POU6F2: variants seen among roughly 807,000 people sequenced by gnomAD.
The protein encoded by POU6F2 is POU domain, class 6, transcription factor 2.
A neutral mutation model predicts 71.3 loss-of-function variants in POU6F2; 31 were observed. The observed-to-expected ratio is 0.43, with a 90% CI of 0.33 to 0.59. The LOEUF (loss-of-function observed/expected upper bound fraction) is 0.59, where lower values mean the gene tolerates loss of function less well. Among genes scored for constraint, POU6F2 ranks in the 20% least tolerant of loss-of-function variants. POU6F2 has a pLI of 0.04. For missense variants in POU6F2, 783 were observed against 856.8 expected, an observed-to-expected ratio of 0.91 and a Z score of 1.07; for synonymous variants, 347 against 355.7, an observed-to-expected ratio of 0.98 and a Z score of 0.27.
intron 2 of POU6F2, among the ~76,000 whole-genome samples, chr7:39,102,795 G>C (rs1791603574): frequency 6.6e-6 from 1 of 152,158 alleles, no homozygotes; most frequent in Admixed American, 6.5e-5. Flanking sequence ...AGATGGTGGA[G>C]CCTACTACAC....
intron 4 of POU6F2, among the ~76,000 whole-genome samples, chr7:39,269,684 C>T (rs1355405774): frequency 2.6e-5 from 4 of 152,190 alleles, no homozygotes; most frequent in South Asian, 4.1e-4. Context: ...AGGTCCTCTG[C>T]AAGCACCCCC....
intron 2 of POU6F2, among the ~76,000 whole-genome samples, chr7:39,103,703 T>G (rs574385428): frequency 9.9e-4 from 151 of 152,324 alleles, no homozygotes; most frequent in African/African-American, 3.0e-3. Context: ...AGTTTTTGCT[T>G]TAGTAAGCCA....
chr7:39,246,814 A>G lies in POU6F2; in HGVS notation c.598+39194A>G, dbSNP rs1783828842. Among the ~76,000 whole-genome samples the G allele has an allele frequency of 3.3e-5, 5 of 149,930 alleles. No individual in the cohort carries two copies. The South Asian group carries it at 8.6e-4, about 26-fold the overall frequency. ...CAGTGTTTACTTAGCCAATTAGTCTATGAATATTTCTAGCCAAAGAGAGAG... is the reference window on the plus strand; with the variant it reads ...CAGTGTTTACTTAGCCAATTAGTCTGTGAATATTTCTAGCCAAAGAGAGAG... On this transcript the variant is annotated intron_variant, in intron 4 of 9. Coordinates refer to ENST00000518318, the MANE Select transcript of POU6F2 (RefSeq NM_001370959.1).
At chr7:39,108,283 T>G (rs1262389846) in intron 2 of POU6F2, among the ~76,000 whole-genome samples, 1 of 151,774 alleles carries the variant, frequency 6.6e-6, no homozygotes, top group Admixed American at 6.6e-5. Flanking sequence ...CAATTATTTT[T>G]TTTTTTGCTC....
In POU6F2 at chr7:39,263,512, G is replaced by A. The variant is rs1294255741; in HGVS notation, c.598+55892G>A. Among the ~76,000 whole-genome samples, 4 of 152,146 alleles carry A rather than the reference G, an allele frequency of 2.6e-5. No individual in the cohort carries two copies. The South Asian group carries it at 6.2e-4, about 24-fold the overall frequency. On this transcript the variant is annotated intron_variant, in intron 4 of 9. Transcript: ENST00000518318. The stretch of plus-strand genomic sequence containing the variant: ...GTCTTTGTTTAATTAAGATACACAC[G>A]GTTGTATAATTTGGGTATCTTTTGG...
intron 2 of POU6F2, among the ~76,000 whole-genome samples, chr7:39,174,363 CATT>C (rs1486111217): frequency 6.6e-6 from 1 of 152,148 alleles, no homozygotes; most frequent in Non-Finnish European, 1.5e-5. Flanking sequence ...GTGTCCTGAT[CATT>C]GAGTGTTAGT....
chr7:39,068,445 A>AAC (rs950971219), intron 1 of POU6F2, among the ~76,000 whole-genome samples: 23 of 150,286 alleles, frequency 1.5e-4, no homozygotes, highest in African/African-American at 4.7e-4. Flanking sequence ...TGATTCTAAA[A>AAC]ACACCAAGAA....
At chr7:39,325,459 TAAG>T (rs1355245051) in intron 4 of POU6F2, among the ~76,000 whole-genome samples, 1 of 152,202 alleles carries the variant, frequency 6.6e-6, no homozygotes, top group East Asian at 1.9e-4. Flanking sequence ...TCAGCCTAGA[TAAG>T]AAAGATTCGT....
At chr7:39,157,662 T>C (rs1395432051) in intron 2 of POU6F2, among the ~76,000 whole-genome samples, 3 of 152,258 alleles carry the variant, frequency 2.0e-5, no homozygotes, top group East Asian at 1.9e-4. Context: ...TTTTGTTGCA[T>C]GCAATGCATG....
intron 6 of POU6F2, among the ~76,000 whole-genome samples, chr7:39,423,811 T>C (rs1294555579): frequency 6.6e-6 from 1 of 152,194 alleles, no homozygotes; most frequent in African/African-American, 2.4e-5. Context: ...TTACATATAG[T>C]GCTGAGCATC....
chr7:39,409,365 G>T (rs1787503702), intron 6 of POU6F2, among the ~76,000 whole-genome samples: 1 of 152,126 alleles, frequency 6.6e-6, no homozygotes, highest in Non-Finnish European at 1.5e-5. Context: ...TGAGATGGGG[G>T]TTCTCTTATC....
chr7:39,454,614 T>A (rs1788739597), intron 8 of POU6F2, among the ~76,000 whole-genome samples: 2 of 125,832 alleles, frequency 1.6e-5, no homozygotes, highest in South Asian at 5.5e-4. Context: ...ATTATAAGAG[T>A]CTTATGAGCT....
At chr7:38,989,514 A>T (rs1332279485) in intron 1 of POU6F2, among the ~76,000 whole-genome samples, 2 of 152,054 alleles carry the variant, frequency 1.3e-5, no homozygotes, top group East Asian at 1.9e-4. Context: ...GAGAGAAATC[A>T]CACCTTTTCA....
At chr7:39,228,326 G>T (rs1049110373) in intron 4 of POU6F2, among the ~76,000 whole-genome samples, 13 of 152,074 alleles carry the variant, frequency 8.5e-5, no homozygotes, top group Admixed American at 7.2e-4. Flanking sequence ...GTTTTTGTAG[G>T]CAGAGGATGG....
At chr7:39,358,378 A>C (rs1786303231) in intron 5 of POU6F2, among the ~76,000 whole-genome samples, 1 of 152,230 alleles carries the variant, frequency 6.6e-6, no homozygotes, top group South Asian at 2.1e-4. Flanking sequence ...TGATGGGTCC[A>C]TGTGACCTAA....
intron 5 of POU6F2, among the ~76,000 whole-genome samples, chr7:39,349,091 C>A (rs1786086192): frequency 6.6e-6 from 1 of 152,102 alleles, no homozygotes; most frequent in African/African-American, 2.4e-5. Flanking sequence ...TGTAGAAATC[C>A]ACAGACTAGG....
At chr7:39,068,617 G>A (rs1790811021) in intron 1 of POU6F2, among the ~76,000 whole-genome samples, 1 of 151,966 alleles carries the variant, frequency 6.6e-6, no homozygotes, top group Non-Finnish European at 1.5e-5. Context: ...ATTTTGAAAG[G>A]TTAAATGATA....
chr7:39,277,580 A>G (rs1224273394), intron 4 of POU6F2, among the ~76,000 whole-genome samples: 1 of 152,198 alleles, frequency 6.6e-6, no homozygotes, highest in Non-Finnish European at 1.5e-5. Context: ...AGCCCTGGGG[A>G]AGTATGGAGT....
At chr7:38,987,725 G>T (rs909845815) in intron 1 of POU6F2, among the ~76,000 whole-genome samples, 2 of 152,088 alleles carry the variant, frequency 1.3e-5, no homozygotes, top group Non-Finnish European at 2.9e-5. Context: ...TATGTTTTAC[G>T]TTTCTTTTAG....
Sources: allele counts gnomAD v4.1 joint callset (sites outside exome capture counted in the v4.1 genomes callset), GRCh38; gene constraint gnomAD v4.1.1; transcripts MANE v1.5; gene names NCBI Gene and HGNC (gene_info 2026-07-23, HGNC 2026-07-21).